Variants in DNAH5 observed in about 807,000 individuals in gnomAD.
The protein encoded by DNAH5 is axonemal beta dynein heavy chain 5.
In DNAH5, 372 loss-of-function variants were observed where a neutral mutation model predicts 518.2. The observed-to-expected ratio is 0.72, with a 90% CI of 0.66 to 0.78. The LOEUF (loss-of-function observed/expected upper bound fraction) is 0.78, where lower values mean the gene tolerates loss of function less well. Among genes scored for constraint, DNAH5 ranks in the 30% least tolerant of loss-of-function variants. The pLI, the probability that DNAH5 is intolerant of heterozygous loss-of-function variation, is 0.00. For missense variants in DNAH5, 5,523 were observed against 5,687.0 expected (o/e 0.97, Z 0.93); for synonymous variants, 2,039 against 2,025.9 (o/e 1.01, Z -0.17).
chr5:13,716,782 T>C (rs990931178), intron 73 of DNAH5, 92 bp from the exon 74 acceptor site: 1 of 850,120 alleles, frequency 1.2e-6, no homozygotes, highest in Non-Finnish European at 1.9e-6. Flanking sequence ...ACTTTCAACA[T>C]CATTCAGTCA....
At chr5:13,794,828 G>T (rs1475338020) in intron 47 of DNAH5, among the ~76,000 whole-genome samples, 2 of 152,146 alleles carry the variant, frequency 1.3e-5, no homozygotes, top group Non-Finnish European at 2.9e-5. Flanking sequence ...TTAGCCGGGT[G>T]TGGTGGCAGA....
chr5:13,912,365 T>C (rs1002481230), intron 11 of DNAH5, among the ~76,000 whole-genome samples: 9 of 152,146 alleles, frequency 5.9e-5, no homozygotes, highest in Admixed American at 4.6e-4. Flanking sequence ...CAACCTACTT[T>C]TTCATGCTGC....
At chr5:13,766,238 C>T in intron 58 of DNAH5, 59 bp from the exon 59 acceptor site, 1 of 1,556,600 alleles carries the variant, frequency 6.4e-7, no homozygotes, top group Non-Finnish European at 8.9e-7. Context: ...ACAAGCAAAC[C>T]TTGCATGTCC....
At chr5:13,809,963 A>C in intron 45 of DNAH5, 96 bp downstream of exon 45, 1 of 1,235,062 alleles carries the variant, frequency 8.1e-7, no homozygotes, top group Non-Finnish European at 1.2e-6. Context: ...CAATAATTAT[A>C]AATCTCATTT....
Position 13,840,912 on chromosome 5 carries a change from A to T in DNAH5, c.5703T>A (p.Asp1901Glu), listed in dbSNP as rs761979042. 6 of 1,613,762 alleles carry T rather than the reference A, an allele frequency of 3.7e-6. No individual in the cohort carries two copies. The highest frequency in any genetic ancestry group is 5.1e-6 in the Non-Finnish European group (6 of 1,179,640). Residue 1901 changes from aspartate (D) to glutamate (E), a missense_variant, in exon 34 of 79, where the codon GAT becomes GAA. By Grantham distance (45) the Asp-to-Glu change is conservative. Coordinates refer to ENST00000265104, the MANE Select transcript of DNAH5 (RefSeq NM_001369.3). ...TIHVHQRDIF[D>E]DLCHMHIKSP... ...GCATTTATAAAGAATTTACCAGGTC[A>T]TCAAAGATATCCCTTTGGTGCACAT...
Position 13,701,454 on chromosome 5 carries a change from A to C in DNAH5, c.13339-18T>G. 6.2e-7 allele frequency: 1 copy of C among 1,601,680 alleles called. No individual in the cohort carries two copies. The highest frequency in any genetic ancestry group is 8.6e-7 in the Non-Finnish European group (1 of 1,168,444). On this transcript the variant is annotated intron_variant, in intron 76 of 78. Coordinates refer to ENST00000265104, the MANE Select transcript of DNAH5 (RefSeq NM_001369.3). ...CAAGAAGCCTGCAATGAAGACATTA[A>C]AACAATTAATTGATGTAAGTTTAAT...
chr5:13,916,916 T>C lies in DNAH5; in HGVS notation c.1089+227A>G, dbSNP rs369523546. Among the ~76,000 whole-genome samples the C allele has an allele frequency of 2.9e-4, 44 of 152,306 alleles. 1 individual carries two copies. The East Asian group carries it at 7.5e-3, about 26-fold the overall frequency. ...ATGTTTTAAAATATAACATCTCATATACATCTTCAATAGATAGGAGGTAGA... is the reference window on the plus strand; with the variant it reads ...ATGTTTTAAAATATAACATCTCATACACATCTTCAATAGATAGGAGGTAGA... On this transcript the variant is annotated intron_variant, in intron 8 of 78. Transcript: ENST00000265104.
chr5:13,771,934 T>A (rs1753398909), intron 55 of DNAH5, among the ~76,000 whole-genome samples: 1 of 152,120 alleles, frequency 6.6e-6, no homozygotes, highest in Non-Finnish European at 1.5e-5. Context: ...CTAAATTAAG[T>A]TCTTAAGGCT....
intron 58 of DNAH5, among the ~76,000 whole-genome samples, chr5:13,766,666 T>C (rs1405206949): frequency 6.6e-6 from 1 of 152,200 alleles, no homozygotes; most frequent in Non-Finnish European, 1.5e-5. Context: ...ATTGAATAAT[T>C]AGAGGTTTCT....
At chr5:13,872,891 A>G (rs2151922790) in intron 22 of DNAH5, among the ~76,000 whole-genome samples, 1 of 152,208 alleles carries the variant, frequency 6.6e-6, no homozygotes, top group Non-Finnish European at 1.5e-5. Context: ...TTAGTGCTAA[A>G]AAAAAAAGTG....
chr5:13,925,061 G>A (rs1269280179), intron 3 of DNAH5, among the ~76,000 whole-genome samples: 1 of 152,152 alleles, frequency 6.6e-6, no homozygotes, highest in East Asian at 1.9e-4. Context: ...TCCTCCCTCA[G>A]GGATCTTCCT....
intron 11 of DNAH5, among the ~76,000 whole-genome samples, chr5:13,912,615 T>C (rs1235969160): frequency 1.3e-5 from 2 of 151,558 alleles, no homozygotes; most frequent in Admixed American, 1.3e-4. Context: ...ACATGTAGCT[T>C]TTCCATACTT....
rs368500560 is a variant in DNAH5, at chr5:13,801,917, G to T, written c.7887+5674C>A. ...GGCTGGCTTACAGTATTCCTTATGG[G>T]ATCCTTATTTATATATTTCTAGAGT... is the stretch of plus-strand genomic sequence containing the variant. On this transcript the variant is annotated intron_variant, in intron 47 of 78. Transcript: ENST00000265104. Among the ~76,000 whole-genome samples the T allele has an allele frequency of 2.0e-4, 30 of 152,014 alleles. 1 individual carries two copies. The highest frequency in any genetic ancestry group is 7.0e-4 in the African/African-American group (29 of 41,460).
chr5:13,975,251 G>A (rs1311335882), intron 1 of DNAH5, among the ~76,000 whole-genome samples: 1 of 152,136 alleles, frequency 6.6e-6, no homozygotes, highest in Admixed American at 6.5e-5. Flanking sequence ...CAAGCAAAAC[G>A]GGTTTTTCCT....
At chr5:13,870,489 C>T (rs1769929914) in intron 24 of DNAH5, among the ~76,000 whole-genome samples, 1 of 152,068 alleles carries the variant, frequency 6.6e-6, no homozygotes, top group Admixed American at 6.6e-5. Flanking sequence ...TTTCCTGATT[C>T]CCTCGCCCCT....
chr5:13,766,513 G>A (rs899459367), intron 58 of DNAH5, among the ~76,000 whole-genome samples: 3 of 152,202 alleles, frequency 2.0e-5, no homozygotes, highest in Non-Finnish European at 2.9e-5. Context: ...AGTAGATTTC[G>A]AGGTTCAAAA....
chr5:13,935,490 G>T, intron 1 of DNAH5, among the ~76,000 whole-genome samples: 1 of 152,128 alleles, frequency 6.6e-6, no homozygotes, highest in East Asian at 1.9e-4. Context: ...AGCACGTTAA[G>T]ACTTGAATAT....
chr5:13,812,539 C>G (rs1005277751), intron 43 of DNAH5, among the ~76,000 whole-genome samples: 1 of 152,194 alleles, frequency 6.6e-6, no homozygotes, highest in Non-Finnish European at 1.5e-5. Context: ...CTCCTTGCCT[C>G]AAGCAATCTG....
At chr5:13,864,375 C>G in intron 28 of DNAH5, 22 bp downstream of exon 28, 1 of 1,613,096 alleles carries the variant, frequency 6.2e-7, no homozygotes, top group Non-Finnish European at 8.5e-7. Context: ...ACCTTGCAAT[C>G]TTCCATCACA....
Sources: gnomAD v4.1 joint callset for allele counts (sites outside exome capture counted in the v4.1 genomes callset) on GRCh38, gnomAD v4.1.1 for gene constraint, MANE v1.5 for transcripts, NCBI Gene and HGNC (gene_info 2026-07-23, HGNC 2026-07-21) for gene names.